Variants in PPP6C observed in about 807,000 individuals in gnomAD.
The protein encoded by PPP6C is serine/threonine-protein phosphatase 6 catalytic subunit.
PPP6C carries 11 observed loss-of-function variants against 39.8 expected under a neutral mutation model. The observed-to-expected ratio is 0.28, with a 90% CI of 0.17 to 0.46. The LOEUF is 0.46. PPP6C is among the 20% of genes least tolerant of loss of function. The probability of loss-of-function intolerance (pLI) is 1.00; values close to 1 mark genes in which losing one functional copy is unlikely to be tolerated. For missense variants in PPP6C, 211 were observed against 373.9 expected (o/e 0.56, Z 3.59); for synonymous variants, 129 against 130.3 (o/e 0.99, Z 0.07).
At chr9:125,154,921 C>T (rs1030089071) in intron 4 of PPP6C, among the ~76,000 whole-genome samples, 7 of 152,200 alleles carry the variant, frequency 4.6e-5, no homozygotes, top group African/African-American at 1.7e-4. Context: ...GAGACAAGGT[C>T]TCACTCTATT....
chr9:125,167,848 T>TA (rs199769965), intron 2 of PPP6C, among the ~76,000 whole-genome samples: 2,273 of 24,948 alleles, frequency 0.091, 282 homozygotes, highest in Admixed American at 0.34. Flanking sequence ...GGGGGGGGGG[T>TA]ATCATTTGGT....
chr9:125,161,362 TAG>T (rs1366603613), intron 2 of PPP6C, among the ~76,000 whole-genome samples: 1 of 152,202 alleles, frequency 6.6e-6, no homozygotes, highest in Non-Finnish European at 1.5e-5. Flanking sequence ...ATTCTACAGT[TAG>T]AGTTATATAC....
chr9:125,179,432 G>C (rs936556744), intron 1 of PPP6C, among the ~76,000 whole-genome samples: 9 of 152,078 alleles, frequency 5.9e-5, no homozygotes, highest in Middle Eastern at 3.4e-3. Context: ...GGAGGGTGGG[G>C]AACTATGAAT....
intron 3 of PPP6C, among the ~76,000 whole-genome samples, chr9:125,159,352 T>C (rs946529154): frequency 5.3e-5 from 8 of 151,252 alleles, no homozygotes; most frequent in African/African-American, 1.9e-4. Flanking sequence ...CCCGGCCAAG[T>C]AATTTAATTT....
Position 125,147,384 on chromosome 9 carries a change from T to C in PPP6C, c.*2289A>G, listed in dbSNP as rs1301612018. The C allele has an allele frequency of 6.6e-6, 1 of 152,226 alleles. No homozygotes were observed. The highest frequency in any genetic ancestry group is 2.4e-5 in the African/African-American group (1 of 41,462). The allele number at this position is 152,226 out of a possible 1,614,324, so 9.4% of individuals were successfully genotyped here. ...TGCCCATAAATCTATGACTTGCAAG[T>C]ATCTTCCACCACATGATAACTCTAT... On this transcript the variant is annotated 3_prime_UTR_variant, in exon 7 of 7. Coordinates refer to ENST00000373547, the MANE Select transcript of PPP6C (RefSeq NM_002721.5).
chr9:125,189,471 G>A (rs1166671520), intron 1 of PPP6C, 173 bp downstream of exon 1: 6 of 1,440,452 alleles, frequency 4.2e-6, no homozygotes, highest in Non-Finnish European at 4.6e-6. Context: ...AGCATTCGAC[G>A]ACTCGGCTCG....
chr9:125,184,790 T>C (rs890955748), intron 1 of PPP6C, among the ~76,000 whole-genome samples: 1 of 151,780 alleles, frequency 6.6e-6, no homozygotes, highest in African/African-American at 2.4e-5. Flanking sequence ...CTGGCCAACA[T>C]GGTGAAACCC....
intron 1 of PPP6C, among the ~76,000 whole-genome samples, chr9:125,175,360 C>T (rs989994293): frequency 1.8e-4 from 27 of 152,006 alleles, no homozygotes; most frequent in African/African-American, 5.5e-4. Context: ...CTACGCCGGC[C>T]GGGCGCGGTG....
chr9:125,163,210 C>T (rs62580611), intron 2 of PPP6C, among the ~76,000 whole-genome samples: 29 of 151,910 alleles, frequency 1.9e-4, no homozygotes, highest in Non-Finnish European at 2.8e-4. Context: ...AAAATTATGA[C>T]GAAAACCATG....
rs999606652 is a variant in PPP6C at position 125,153,439 on chromosome 9, G to A, written c.669+94C>T. The A allele has an allele frequency of 5.2e-6, 6 of 1,159,788 alleles. No individual in the cohort carries two copies. The Middle Eastern group carries it at 8.1e-4, about 158-fold the overall frequency. 71.8% of individuals were successfully genotyped at this position (1,159,788 alleles called of 1,614,324 possible). On this transcript the variant is annotated intron_variant, in intron 6 of 6. Transcript: ENST00000373547. Reference sequence around the variant, plus strand: ...TCCACAGCCACCATATTTTGAGTAAGCTAGACTACAAGTTTGTTATCTAGG... The same window carrying A: ...TCCACAGCCACCATATTTTGAGTAAACTAGACTACAAGTTTGTTATCTAGG...
chr9:125,175,657 A>G (rs1829282883), intron 1 of PPP6C, among the ~76,000 whole-genome samples: 2 of 151,800 alleles, frequency 1.3e-5, no homozygotes, highest in Admixed American at 1.3e-4. Context: ...AAAAAAAAAA[A>G]AAAAGAAATT....
chr9:125,151,074 T>C (rs1407383111), intron 6 of PPP6C: 2 of 1,327,766 alleles, frequency 1.5e-6, no homozygotes, highest in African/African-American at 1.4e-5. Context: ...CAGTGGACTA[T>C]CTGTATGCAG....
chr9:125,162,489 A>G (rs1828903555), intron 2 of PPP6C, among the ~76,000 whole-genome samples: 1 of 136,320 alleles, frequency 7.3e-6, no homozygotes. Flanking sequence ...AAAAAGTGTT[A>G]TGGTCCGGGC....
chr9:125,165,773 A>G (rs540382420), intron 2 of PPP6C, among the ~76,000 whole-genome samples: 86 of 151,420 alleles, frequency 5.7e-4, no homozygotes, highest in African/African-American at 2.0e-3. Context: ...ATGAAATCTG[A>G]AACCATAACA....
chr9:125,187,864 G>A (rs1235231699), intron 1 of PPP6C, among the ~76,000 whole-genome samples: 2 of 151,886 alleles, frequency 1.3e-5, no homozygotes, highest in African/African-American at 2.4e-5. Flanking sequence ...TACTACTAAC[G>A]AAGGCTGTCC....
chr9:125,177,269 A>C (rs1829320416), intron 1 of PPP6C, among the ~76,000 whole-genome samples: 1 of 152,080 alleles, frequency 6.6e-6, no homozygotes, highest in Non-Finnish European at 1.5e-5. Context: ...AGCTACTTGA[A>C]AGGCTGAGGC....
In PPP6C at chr9:125,147,913, G is replaced by A. The variant is rs1835847942; in HGVS notation, c.*1760C>T. 5.4e-6 allele frequency: 1 copy of A among 186,132 alleles called. No homozygotes were observed. The highest frequency in any genetic ancestry group is 4.2e-5 in the Admixed American group (1 of 23,634). 11.5% of individuals were successfully genotyped at this position (186,132 alleles called of 1,614,324 possible). A position where few individuals can be genotyped will look rare whatever the true frequency, so the allele number is the denominator to read the frequency against. Reference sequence around the variant, plus strand: ...GTAAAATACATAGCTACATATCCCTGTGAGATAAAAATACCTTTCCACCTG... The same window carrying A: ...GTAAAATACATAGCTACATATCCCTATGAGATAAAAATACCTTTCCACCTG... On this transcript the variant is annotated 3_prime_UTR_variant, in exon 7 of 7. Transcript: ENST00000373547.
In PPP6C at chr9:125,158,287, T is replaced by C; in HGVS notation, c.333A>G (p.Arg111=). 1 of 1,611,778 alleles carries C rather than the reference T, an allele frequency of 6.2e-7. No individual in the cohort carries two copies. Among genetic ancestry groups the C allele is most frequent in the Non-Finnish European group, 8.5e-7 (1 of 1,177,886 alleles). Residue 111 remains arginine (R), a synonymous_variant, in exon 4 of 7, where the codon CGA becomes CGG. Coordinates refer to ENST00000373547, the MANE Select transcript of PPP6C (RefSeq NM_002721.5). ...AKWPDRITLL[R]GNHESRQITQ... ...TTATCTGTCTACTCTCATGATTTCCTCGCAAAAGTGTAATACGATCAGGCC... is the reference window on the plus strand; with the variant it reads ...TTATCTGTCTACTCTCATGATTTCCCCGCAAAAGTGTAATACGATCAGGCC...
At chr9:125,155,117 G>A (rs1052795744) in intron 4 of PPP6C, among the ~76,000 whole-genome samples, 3 of 152,040 alleles carry the variant, frequency 2.0e-5, no homozygotes, top group Admixed American at 1.3e-4. Context: ...TGTTGTCCAG[G>A]CTGGTCTTGA....
Sources: allele counts gnomAD v4.1 joint callset (sites outside exome capture counted in the v4.1 genomes callset), GRCh38; gene constraint gnomAD v4.1.1; transcripts MANE v1.5; gene names NCBI Gene and HGNC (gene_info 2026-07-23, HGNC 2026-07-21).